Variants in SORCS1 observed in about 807,000 individuals in gnomAD.
The protein encoded by SORCS1 is sortilin related VPS10 domain containing receptor 1.
SORCS1 carries 60 observed loss-of-function variants against 146.1 expected under a neutral mutation model. That is an observed-to-expected ratio of 0.41 (90% CI 0.33 to 0.51). The LOEUF (loss-of-function observed/expected upper bound fraction) is 0.51. Among genes scored for constraint, SORCS1 ranks in the 20% least tolerant of loss-of-function variants. The pLI, the probability that SORCS1 is intolerant of heterozygous loss-of-function variation, is 0.21. For missense variants in SORCS1, 1,352 were observed against 1,487.6 expected, an observed-to-expected ratio of 0.91 and a Z score of 1.50; for synonymous variants, 637 against 584.0, an observed-to-expected ratio of 1.09 and a Z score of -1.31.
chr10:107,044,417 GC>G (rs1227363900), intron 1 of SORCS1, among the ~76,000 whole-genome samples: 1 of 148,018 alleles, frequency 6.8e-6, no homozygotes, highest in African/African-American at 2.5e-5. Context: ...TAAGAAATGT[GC>G]CCTGATTTTA....
At chr10:106,669,470 TC>T in intron 16 of SORCS1, among the ~76,000 whole-genome samples, 1 of 152,262 alleles carries the variant, frequency 6.6e-6, no homozygotes, top group African/African-American at 2.4e-5. Flanking sequence ...GATGCTAACT[TC>T]CTTTGCAAAT....
At chr10:106,704,662 C>A (rs1013851253) in intron 8 of SORCS1, among the ~76,000 whole-genome samples, 3 of 152,146 alleles carry the variant, frequency 2.0e-5, no homozygotes, top group Admixed American at 2.0e-4. Context: ...TGCACTCCAG[C>A]CTGGGTGACA....
intron 1 of SORCS1, among the ~76,000 whole-genome samples, chr10:107,127,270 C>T (rs1966764853): frequency 6.6e-6 from 1 of 151,972 alleles, no homozygotes; most frequent in African/African-American, 2.4e-5. Flanking sequence ...TTCTTATGTG[C>T]CTGGAACCAA....
intron 1 of SORCS1, among the ~76,000 whole-genome samples, chr10:107,103,020 A>T (rs1965044541): frequency 6.6e-6 from 1 of 152,018 alleles, no homozygotes; most frequent in Admixed American, 6.6e-5. Context: ...AATTCGTTCT[A>T]CCCCCATACC....
chr10:106,877,190 C>T (rs1009610102), intron 2 of SORCS1, among the ~76,000 whole-genome samples: 2 of 152,130 alleles, frequency 1.3e-5, no homozygotes, highest in African/African-American at 2.4e-5. Context: ...AATACAAAAT[C>T]TTCTCAAAAA....
At chr10:106,614,321 T>G (rs959599045) in intron 21 of SORCS1, among the ~76,000 whole-genome samples, 9 of 152,188 alleles carry the variant, frequency 5.9e-5, no homozygotes, top group Admixed American at 5.9e-4. Context: ...GGATGCCAAT[T>G]TACATTCAGG....
intron 2 of SORCS1, among the ~76,000 whole-genome samples, chr10:106,882,452 CAT>C (rs1950842637): frequency 6.6e-6 from 1 of 152,140 alleles, no homozygotes; most frequent in Non-Finnish European, 1.5e-5. Context: ...CTTTGTGGGT[CAT>C]AGAGTCTCAT....
intron 10 of SORCS1, among the ~76,000 whole-genome samples, chr10:106,681,549 G>C (rs769364267): frequency 2.0e-5 from 3 of 152,120 alleles, no homozygotes; most frequent in Non-Finnish European, 4.4e-5. Flanking sequence ...ATTTTACTCA[G>C]AGCAATGCCA....
intron 7 of SORCS1, 52 bp from the exon 8 acceptor site, chr10:106,706,686 A>T (rs1259802309): frequency 1.3e-6 from 2 of 1,542,002 alleles, no homozygotes; most frequent in Admixed American, 3.3e-5. Flanking sequence ...TAACAGGCAC[A>T]GGTCACAGAA....
chr10:106,637,571 G>A (rs973332315), intron 18 of SORCS1, among the ~76,000 whole-genome samples: 4 of 152,184 alleles, frequency 2.6e-5, no homozygotes, highest in African/African-American at 9.6e-5. Flanking sequence ...TCTGACCTGG[G>A]GGATGAAGAG....
At chr10:106,734,668 G>A (rs10884348) in intron 5 of SORCS1, among the ~76,000 whole-genome samples, 65,890 of 151,930 alleles carry the variant, frequency 0.43, 14,349 homozygotes, top group African/African-American at 0.46. Context: ...TCTCTGTGCC[G>A]TCACTTTTTT....
At position 106,611,923 on chromosome 10, in the gene SORCS1, T is replaced by C. The variant is rs1354238861; in HGVS notation, c.3021A>G (p.Lys1007=). Residue 1007 remains lysine, a synonymous_variant, in exon 22 of 26, where the codon AAA becomes AAG. Coordinates refer to ENST00000263054, the MANE Select transcript of SORCS1 (RefSeq NM_052918.5). ...WRRDIGRVIK[K]SLVEATGVPG... is the part of the protein sequence containing the mutation. ...TGTGTGCACTCACTTCCACCAGGGA[T>C]TTTTTGATGACTCGACCGATGTCCC... 2.5e-6 allele frequency: 4 copies of C among 1,613,200 alleles called. No individual in the cohort carries two copies. Among genetic ancestry groups the C allele is most frequent in the Non-Finnish European group, 3.4e-6 (4 of 1,179,338 alleles).
intron 3 of SORCS1, among the ~76,000 whole-genome samples, chr10:106,810,156 G>A (rs555071473): frequency 6.6e-6 from 1 of 152,288 alleles, no homozygotes; most frequent in South Asian, 2.1e-4. Context: ...GGGAGGCAGA[G>A]GTTGCAGTGA....
rs370592594 is a variant in SORCS1, at chr10:106,948,414, T to C, written c.626+8099A>G. ...TAGGCAGGGTAGAGTGGCTCACGTC[T>C]GTAATCCCAGTGCTTTAGGAGGCTG... On this transcript the variant is annotated intron_variant, in intron 2 of 25. Transcript: ENST00000263054. 5.3e-5 allele frequency among the ~76,000 whole-genome samples: 8 copies of C among 152,196 alleles called. No homozygotes were observed. The East Asian group carries it at 7.7e-4, about 15-fold the overall frequency.
intron 6 of SORCS1, among the ~76,000 whole-genome samples, chr10:106,713,847 A>G (rs1358667267): frequency 6.6e-6 from 1 of 152,232 alleles, no homozygotes. Context: ...AGGTTCAAAC[A>G]GATACCCCAA....
chr10:107,118,042 C>T (rs1966150302), intron 1 of SORCS1, among the ~76,000 whole-genome samples: 1 of 152,048 alleles, frequency 6.6e-6, no homozygotes, highest in Non-Finnish European at 1.5e-5. Flanking sequence ...GTTTATGTCT[C>T]CCCAAAATTC....
In SORCS1 at chr10:106,671,293, T is replaced by A. The variant is rs1213792728; in HGVS notation, c.2133A>T (p.Lys711Asn). Residue 711 changes from lysine to asparagine, a missense_variant, in exon 16 of 26, where the codon AAA becomes AAT. This residue lies in a region of SORCS1 where 648 missense variants were observed against 793.8 expected (regional missense o/e 0.82). Coordinates refer to ENST00000263054, the MANE Select transcript of SORCS1 (RefSeq NM_052918.5). ...RKSERKCMQG[K>N]YAGAMESEPC... ...GTTCAGATTCCATAGCTCCTGCATA[T>A]TTTCCTTGCATACACTTCCGCTCTG... 1.2e-6 allele frequency: 2 copies of A among 1,614,052 alleles called. No individual in the cohort carries two copies. The highest frequency in any genetic ancestry group is 2.7e-5 in the African/African-American group (2 of 74,932).
chr10:106,886,071 G>A (rs1402450762), intron 2 of SORCS1, among the ~76,000 whole-genome samples: 2 of 152,080 alleles, frequency 1.3e-5, no homozygotes, highest in African/African-American at 4.8e-5. Context: ...AGACCAGCCT[G>A]GCCAACATGG....
intron 17 of SORCS1, 90 bp downstream of exon 17, chr10:106,667,599 G>C (rs1475642881): frequency 2.4e-6 from 2 of 833,082 alleles, no homozygotes; most frequent in South Asian, 1.5e-5. Context: ...AAATATGCTT[G>C]GTCCTTGATC....
Sources: allele counts gnomAD v4.1 joint callset (sites outside exome capture counted in the v4.1 genomes callset), GRCh38; gene constraint gnomAD v4.1.1; regional missense constraint gnomAD v4.1.1; transcripts MANE v1.5; gene names NCBI Gene and HGNC (gene_info 2026-07-23, HGNC 2026-07-21).